The following SVOPL variants were observed in gnomAD, a reference collection of about 807,000 sequenced individuals.
SVOPL encodes putative transporter SVOPL.
SVOPL carries 60 observed loss-of-function variants against 61.0 expected under a neutral mutation model. The ratio of observed to expected loss-of-function variants is 0.98; its 90% CI spans 0.80 to 1.22. SVOPL has a LOEUF of 1.22. SVOPL is among the 50% of genes most tolerant of loss of function. The pLI is 0.00. For missense variants in SVOPL, 662 were observed against 643.9 expected, an observed-to-expected ratio of 1.03 and a Z score of -0.30; for synonymous variants, 279 against 250.0, an observed-to-expected ratio of 1.12 and a Z score of -1.09.
At chr7:138,617,158 C>T (rs538350118) in intron 14 of SVOPL, among the ~76,000 whole-genome samples, 18 of 152,160 alleles carry the variant, frequency 1.2e-4, no homozygotes, top group African/African-American at 2.6e-4. Flanking sequence ...TTAGTAGAGA[C>T]GAGGTTTCAC....
intron 14 of SVOPL, chr7:138,597,303 C>A (rs1350822268): frequency 8.8e-7 from 1 of 1,141,060 alleles, no homozygotes; most frequent in Non-Finnish European, 1.2e-6. Context: ...AACTATCTGG[C>A]TGAATACAAT....
intron 3 of SVOPL, among the ~76,000 whole-genome samples, chr7:138,677,797 C>G (rs1202539132): frequency 7.2e-6 from 1 of 138,872 alleles, no homozygotes; most frequent in Non-Finnish European, 1.5e-5. Flanking sequence ...CAGTCTCGCT[C>G]TGTCATTCAA....
intron 1 of SVOPL, among the ~76,000 whole-genome samples, chr7:138,699,515 G>A (rs1171326898): frequency 6.6e-6 from 1 of 152,078 alleles, no homozygotes; most frequent in Non-Finnish European, 1.5e-5. Flanking sequence ...GTGGTGTTGG[G>A]AAATTGTGAC....
rs1360312270 is a variant in SVOPL, at chr7:138,621,066, C to G, written c.1333G>C (p.Val445Leu). ...SGSLCRIGAM[V>L]APFISQVLMS... is the part of the protein sequence containing the mutation. ...TGTACCTGGGATATAAATGGTGCCA[C>G]CATTGCACCAATGCGACACAGGGAG... The change falls in exon 14 of 16, where the codon GTG (valine) becomes CTG (leucine). Residue 445 changes from valine (V) to leucine (L), a missense_variant. Val to Leu is a conservative substitution (Grantham distance 32). Coordinates refer to ENST00000674285, the MANE Select transcript of SVOPL (RefSeq NM_001139456.2). The G allele has an allele frequency of 6.2e-7, 1 of 1,613,708 alleles. No individual in the cohort carries two copies. The highest frequency in any genetic ancestry group is 8.5e-7 in the Non-Finnish European group (1 of 1,179,832).
At chr7:138,700,678 G>GAGGA (rs1168542413) in intron 1 of SVOPL, among the ~76,000 whole-genome samples, 2 of 59,370 alleles carry the variant, frequency 3.4e-5, no homozygotes, top group Non-Finnish European at 6.9e-5. Flanking sequence ...AACCCAGTAA[G>GAGGA]AGGATGGATG....
chr7:138,637,468 A>C (rs1339434124), intron 9 of SVOPL, among the ~76,000 whole-genome samples: 1 of 15,622 alleles, frequency 6.4e-5, no homozygotes, highest in African/African-American at 1.6e-4. Context: ...ATATATATAT[A>C]GATATAGATA....
intron 14 of SVOPL, among the ~76,000 whole-genome samples, chr7:138,614,766 G>C (rs1659821): frequency 6.6e-6 from 1 of 151,962 alleles, no homozygotes; most frequent in Non-Finnish European, 1.5e-5. Flanking sequence ...ACAGCTATGC[G>C]ACTGACGACA....
rs755195241 is a variant in SVOPL, at chr7:138,628,268, A to G, written c.959T>C (p.Val320Ala). 4 of 1,614,134 alleles carry G rather than the reference A, an allele frequency of 2.5e-6. No individual in the cohort carries two copies. The highest frequency in any genetic ancestry group is 3.4e-6 in the Non-Finnish European group (4 of 1,180,012). The change falls in exon 11 of 16, where the codon GTG becomes GCG. Residue 320 changes from valine (V) to alanine (A), a missense_variant. Transcript: ENST00000674285. ...LVCGSKSDSA[V>A]VVTGGDSGES... ...CCCTGAGTCCCCCCCAGTCACCACC[A>G]CCGCAGAGTCTGACTTTGAACCACA... is the stretch of plus-strand genomic sequence containing the variant.
chr7:138,606,969 A>C (rs1021919832), intron 14 of SVOPL, among the ~76,000 whole-genome samples: 1 of 134,562 alleles, frequency 7.4e-6, no homozygotes, highest in Non-Finnish European at 1.7e-5. Flanking sequence ...AACAAAACAA[A>C]ACAAAAAAAG....
chr7:138,611,907 C>A (rs1426588258), intron 14 of SVOPL, among the ~76,000 whole-genome samples: 1 of 26,710 alleles, frequency 3.7e-5, no homozygotes. Flanking sequence ...CCCAACAGCT[C>A]ATTGAGAACG....
At chr7:138,640,186 G>T (rs375955206) in intron 9 of SVOPL, among the ~76,000 whole-genome samples, 1 of 151,594 alleles carries the variant, frequency 6.6e-6, no homozygotes, top group Non-Finnish European at 1.5e-5. Context: ...AGAATTTAAG[G>T]CTCTTCATTC....
At chr7:138,672,415 G>A (rs1181846728) in intron 3 of SVOPL, among the ~76,000 whole-genome samples, 1 of 152,136 alleles carries the variant, frequency 6.6e-6, no homozygotes, top group African/African-American at 2.4e-5. Flanking sequence ...GGAGGGAGCT[G>A]TGTGAAGGCC....
intron 14 of SVOPL, among the ~76,000 whole-genome samples, chr7:138,614,031 C>A (rs1799173243): frequency 6.6e-6 from 1 of 152,190 alleles, no homozygotes; most frequent in Admixed American, 6.5e-5. Flanking sequence ...ATGGCAGGCA[C>A]AGAGGACAAG....
Position 138,615,560 on chromosome 7 carries a change from CAAAAAAAAAA to C in SVOPL, c.1353+5476_1353+5485del, listed in dbSNP as rs770404185. On this transcript the variant is annotated intron_variant, in intron 14 of 15. Transcript: ENST00000674285. ...GGGTGACAGAGCGAGACTCCGTCTC[CAAAAAAAAAA>C]AAAAAAAAAAAAAAAAAAGTTTGAG... is the stretch of plus-strand genomic sequence containing the variant. 1.4e-3 allele frequency among the ~76,000 whole-genome samples: 8 copies of C among 5,542 alleles called. 1 individual carries two copies. The highest frequency in any genetic ancestry group is 2.0e-3 in the African/African-American group (6 of 3,014). 3.6% of individuals were successfully genotyped at this position (5,542 alleles called of 152,430 possible).
In SVOPL at chr7:138,644,776, G is replaced by A. The variant is rs372787460; in HGVS notation, c.730C>T (p.Arg244Cys). ...NTRAALATLE[R>C]VAKMNRSVMP... ...ACCGAGCGGTTCATCTTGGCAACGC[G>A]CTCCAGAGTGGCCAGGGCAGCCCGA... The change falls in exon 9 of 16, where the codon CGC becomes TGC. Residue 244 changes from arginine (R) to cysteine (C), a missense_variant. Physicochemically the swap from Arg to Cys is radical, Grantham distance 180. Transcript: ENST00000674285. The A allele has an allele frequency of 3.0e-5, 48 of 1,614,138 alleles. No individual in the cohort carries two copies. The highest frequency in any genetic ancestry group is 1.1e-4 in the African/African-American group (8 of 75,010).
intron 14 of SVOPL, among the ~76,000 whole-genome samples, chr7:138,600,973 C>G (rs564702844): frequency 6.6e-6 from 1 of 152,016 alleles, no homozygotes; most frequent in Non-Finnish European, 1.5e-5. Flanking sequence ...GAAAATAGGC[C>G]GGGCGCGGTG....
At chr7:138,643,918 T>C (rs1800961746) in intron 9 of SVOPL, among the ~76,000 whole-genome samples, 1 of 152,006 alleles carries the variant, frequency 6.6e-6, no homozygotes, top group African/African-American at 2.4e-5. Flanking sequence ...ATATGTTATG[T>C]ATATTTTACC....
At chr7:138,679,285 A>T (rs1017747798) in intron 1 of SVOPL, among the ~76,000 whole-genome samples, 1 of 151,806 alleles carries the variant, frequency 6.6e-6, no homozygotes, top group Non-Finnish European at 1.5e-5. Flanking sequence ...TAATTGATTG[A>T]TTGAGATGGA....
At position 138,673,349 on chromosome 7, in the gene SVOPL, G is replaced by T. The variant is rs537384147; in HGVS notation, c.175-1232C>A. Reference sequence around the variant, plus strand: ...AGTTTTAGTTCAACAGGTATCAGAAGTAAGAGAGCATAATTATCTCAGAAG... The same window carrying T: ...AGTTTTAGTTCAACAGGTATCAGAATTAAGAGAGCATAATTATCTCAGAAG... On this transcript the variant is annotated intron_variant, in intron 3 of 15. Coordinates refer to ENST00000674285, the MANE Select transcript of SVOPL (RefSeq NM_001139456.2). 5.9e-5 allele frequency among the ~76,000 whole-genome samples: 9 copies of T among 152,240 alleles called. No individual in the cohort carries two copies. The South Asian group carries it at 1.9e-3, about 32-fold the overall frequency.
Sources: gnomAD v4.1 joint callset for allele counts (sites outside exome capture counted in the v4.1 genomes callset) on GRCh38, gnomAD v4.1.1 for gene constraint, MANE v1.5 for transcripts, NCBI Gene and HGNC (gene_info 2026-07-23, HGNC 2026-07-21) for gene names.